Variants in CNTNAP2 observed in about 807,000 individuals in gnomAD.
CNTNAP2 encodes the protein contactin associated protein 2, also known as contactin-associated protein-like 2.
In CNTNAP2, 98 loss-of-function variants were observed where a neutral mutation model predicts 155.2. The observed-to-expected ratio is 0.63, with a 90% CI of 0.54 to 0.75. The LOEUF is 0.75. Ranked by LOEUF, CNTNAP2 falls within the 30% of genes least tolerant of loss-of-function variation. The pLI is 0.00. For synonymous variants in CNTNAP2, 651 were observed against 631.2 expected (o/e 1.03, Z -0.47); for missense variants, 1,727 against 1,688.1 (o/e 1.02, Z -0.40).
intron 18 of CNTNAP2, among the ~76,000 whole-genome samples, chr7:148,175,346 C>A (rs1486522135): frequency 6.6e-6 from 1 of 152,030 alleles, no homozygotes; most frequent in Non-Finnish European, 1.5e-5. Flanking sequence ...GTTCTTACCC[C>A]AGACATTTGA....
At chr7:146,975,324 G>T (rs2129234895) in intron 3 of CNTNAP2, among the ~76,000 whole-genome samples, 1 of 152,200 alleles carries the variant, frequency 6.6e-6, no homozygotes, top group African/African-American at 2.4e-5. Context: ...AATAAGCTGG[G>T]CATGGTGGCA....
chr7:147,575,511 C>CTGTGTGTGTGTG lies in CNTNAP2; in HGVS notation c.1897+13268_1897+13279dup, dbSNP rs377290787. ...ATTCCCTAGCTTTAGGGGTATACAA[C>CTGTGTGTGTGTG]TGTGTGTGTGTGTGTGTGTGTGTGT... On this transcript the variant is annotated intron_variant, in intron 12 of 23. Transcript: ENST00000361727. Among the ~76,000 whole-genome samples the CTGTGTGTGTGTG allele has an allele frequency of 6.8e-5, 9 of 132,672 alleles. 1 individual carries two copies. The highest frequency in any genetic ancestry group is 1.5e-4 in the Admixed American group (2 of 13,318). 87.0% of individuals were successfully genotyped at this position (132,672 alleles called of 152,430 possible). A position where few individuals can be genotyped will look rare whatever the true frequency, so the allele number is the denominator to read the frequency against.
chr7:146,150,360 G>A (rs1209807306), intron 1 of CNTNAP2, among the ~76,000 whole-genome samples: 1 of 151,968 alleles, frequency 6.6e-6, no homozygotes, highest in Non-Finnish European at 1.5e-5. Context: ...ACAAAGTTGA[G>A]CATATAGTCA....
At chr7:147,352,751 G>A (rs1160532132) in intron 9 of CNTNAP2, among the ~76,000 whole-genome samples, 1 of 151,822 alleles carries the variant, frequency 6.6e-6, no homozygotes, top group Non-Finnish European at 1.5e-5. Context: ...TGTTTCAAGG[G>A]CAAAAGTATA....
At chr7:146,699,883 T>C (rs1274597857) in intron 1 of CNTNAP2, among the ~76,000 whole-genome samples, 1 of 152,064 alleles carries the variant, frequency 6.6e-6, no homozygotes, top group Non-Finnish European at 1.5e-5. Flanking sequence ...CACAAGAATC[T>C]CTTGAACCTG....
intron 22 of CNTNAP2, among the ~76,000 whole-genome samples, chr7:148,394,540 G>T (rs1799423524): frequency 6.6e-6 from 1 of 151,960 alleles, no homozygotes. Flanking sequence ...CATTTTATTG[G>T]AATTGTTTAA....
chr7:147,895,015 G>A (rs1349314177), intron 13 of CNTNAP2, among the ~76,000 whole-genome samples: 5 of 118,978 alleles, frequency 4.2e-5, no homozygotes, highest in African/African-American at 1.3e-4. Flanking sequence ...CTGTCGCCCA[G>A]GCTGGAGTGC....
At chr7:146,593,179 AT>A (rs1798808885) in intron 1 of CNTNAP2, among the ~76,000 whole-genome samples, 1 of 151,026 alleles carries the variant, frequency 6.6e-6, no homozygotes, top group Non-Finnish European at 1.5e-5. Context: ...TATTATTATT[AT>A]TATTTATCCC....
chr7:146,406,949 C>T (rs1408037863), intron 1 of CNTNAP2, among the ~76,000 whole-genome samples: 2 of 152,180 alleles, frequency 1.3e-5, no homozygotes, highest in African/African-American at 4.8e-5. Context: ...AAAGCTGTTA[C>T]AAAGTTAGTC....
chr7:146,981,769 C>G (rs1798022183), intron 3 of CNTNAP2, among the ~76,000 whole-genome samples: 1 of 151,970 alleles, frequency 6.6e-6, no homozygotes, highest in Non-Finnish European at 1.5e-5. Context: ...CTAGAAAAGG[C>G]TTAAAACAAA....
chr7:147,291,182 T>G (rs1249767086), intron 8 of CNTNAP2, among the ~76,000 whole-genome samples: 2 of 152,086 alleles, frequency 1.3e-5, no homozygotes, highest in South Asian at 4.1e-4. Flanking sequence ...CTTGAAGTTC[T>G]GGGATACATG....
At chr7:148,365,732 G>A (rs1798729139) in intron 21 of CNTNAP2, among the ~76,000 whole-genome samples, 1 of 15,192 alleles carries the variant, frequency 6.6e-5, no homozygotes, top group African/African-American at 1.1e-4. Context: ...GTGTATATAT[G>A]TATGTGTATA....
In CNTNAP2 at chr7:147,300,147, G is replaced by A. The variant is rs1399178307; in HGVS notation, c.1355G>A (p.Gly452Glu). ...TTTATCTTGTACTTACCAGGTTCTG[G>A]GTTGAATGATGGACAGTGGCACGAG... ...MSQIDISSGS[G>E]LNDGQWHEVR... The change falls in exon 9 of 24, where the codon GGG becomes GAG. Residue 452 changes from glycine (G) to glutamate (E), a missense_variant. Physicochemically the swap from Gly to Glu is moderately conservative, Grantham distance 98 (BLOSUM62 -2). Coordinates refer to ENST00000361727, the MANE Select transcript of CNTNAP2 (RefSeq NM_014141.6). 2 of 1,613,958 alleles carry A rather than the reference G, an allele frequency of 1.2e-6. No homozygotes were observed. Among genetic ancestry groups the A allele is most frequent in the Admixed American group, 1.7e-5 (1 of 60,004 alleles).
chr7:148,390,626 T>C (rs1245147541), intron 22 of CNTNAP2, among the ~76,000 whole-genome samples: 1 of 152,190 alleles, frequency 6.6e-6, no homozygotes, highest in African/African-American at 2.4e-5. Context: ...GAATGGAAAT[T>C]AGAATTGAAG....
intron 1 of CNTNAP2, among the ~76,000 whole-genome samples, chr7:146,362,348 G>C (rs1174348955): frequency 6.6e-6 from 1 of 152,092 alleles, no homozygotes; most frequent in African/African-American, 2.4e-5. Flanking sequence ...GAGGAAAACA[G>C]GTAAGGTATG....
At chr7:147,985,112 CAAAA>C (rs34533873) in intron 15 of CNTNAP2, among the ~76,000 whole-genome samples, 1 of 129,922 alleles carries the variant, frequency 7.7e-6, no homozygotes, top group Non-Finnish European at 1.6e-5. Context: ...AAGACTCTGT[CAAAA>C]AATAAATAAA....
chr7:147,306,661 C>G (rs1205364778), intron 9 of CNTNAP2, among the ~76,000 whole-genome samples: 4 of 152,172 alleles, frequency 2.6e-5, no homozygotes, highest in African/African-American at 7.2e-5. Flanking sequence ...GGTCCTTACA[C>G]ATGTAATGTA....
At chr7:147,281,692 A>G (rs915275236) in intron 8 of CNTNAP2, among the ~76,000 whole-genome samples, 3 of 151,880 alleles carry the variant, frequency 2.0e-5, no homozygotes, top group Non-Finnish European at 4.4e-5. Context: ...TATATTCATA[A>G]GATGAATACA....
intron 1 of CNTNAP2, among the ~76,000 whole-genome samples, chr7:146,639,219 A>G (rs1385058442): frequency 1.3e-5 from 2 of 152,210 alleles, no homozygotes; most frequent in East Asian, 1.9e-4. Context: ...TTTATTTTGT[A>G]TGCAGCTTTT....
Sources: allele counts gnomAD v4.1 joint callset (sites outside exome capture counted in the v4.1 genomes callset), GRCh38; gene constraint gnomAD v4.1.1; transcripts MANE v1.5; gene names NCBI Gene and HGNC (gene_info 2026-07-23, HGNC 2026-07-21).